The following ZNF334 variants were observed in gnomAD, a reference collection of about 807,000 sequenced individuals.
The protein encoded by ZNF334 is zinc finger protein 334.
Under a neutral mutation model 12.4 loss-of-function variants are expected in ZNF334, and 14 were observed. The observed-to-expected ratio is 1.13, with a 90% CI of 0.74 to 1.76. The LOEUF (loss-of-function observed/expected upper bound fraction) is 1.76. Among genes scored for constraint, ZNF334 ranks in the 40% most tolerant of loss-of-function variants. ZNF334 has a pLI of 0.00. For missense variants in ZNF334, 797 were observed against 804.5 expected, an observed-to-expected ratio of 0.99 and a Z score of 0.11; for synonymous variants, 273 against 269.6, an observed-to-expected ratio of 1.01 and a Z score of -0.12.
rs142281831 is a variant in ZNF334, at chr20:46,502,788, T to C, written c.551A>G (p.Asn184Ser). ...SHLGMKKYRY[N>S]PMRKASNQNE... ...TTGATTGCTGGCTTTCCTCATTGGATTGTATCTGTATTTTTTCATTCCCAA... is the reference window on the plus strand; with the variant it reads ...TTGATTGCTGGCTTTCCTCATTGGACTGTATCTGTATTTTTTCATTCCCAA... The change falls in exon 5 of 5, where the codon AAT becomes AGT. Residue 184 changes from asparagine to serine, a missense_variant. Physicochemically the swap from Asn to Ser is conservative, Grantham distance 46 (BLOSUM62 1). Coordinates refer to ENST00000692313, the MANE Select transcript of ZNF334 (RefSeq NM_001353824.2). 1.2e-5 allele frequency: 19 copies of C among 1,613,774 alleles called. No individual in the cohort carries two copies. In the African/African-American group the frequency reaches 2.3e-4, roughly 19 times the overall value.
chr20:46,501,016 A>C lies in ZNF334; in HGVS notation c.*280T>G, dbSNP rs182110743. 2.8e-6 allele frequency: 1 copy of C among 354,086 alleles called. No individual in the cohort carries two copies. Among genetic ancestry groups the C allele is most frequent in the East Asian group, 5.4e-5 (1 of 18,400 alleles). 21.9% of individuals were successfully genotyped at this position (354,086 alleles called of 1,614,324 possible). A position where few individuals can be genotyped will look rare whatever the true frequency, so the allele number is the denominator to read the frequency against. ...AACCAAGTAACAATTTAACTTAAAC[A>C]ATGTTTGTTTCATTATTTTAAAAGG... On this transcript the variant is annotated 3_prime_UTR_variant, in exon 5 of 5. Coordinates refer to ENST00000692313, the MANE Select transcript of ZNF334 (RefSeq NM_001353824.2).
Position 46,501,134 on chromosome 20 carries a change from A to T in ZNF334, c.*162T>A, listed in dbSNP as rs1013923983. 1.4e-6 allele frequency: 1 copy of T among 739,400 alleles called. No homozygotes were observed. Among genetic ancestry groups the T allele is most frequent in the Non-Finnish European group, 2.1e-6 (1 of 475,148 alleles). The allele number at this position is 739,400 out of a possible 1,614,324, so 45.8% of individuals were successfully genotyped here. A position where few individuals can be genotyped will look rare whatever the true frequency, so the allele number is the denominator to read the frequency against. On this transcript the variant is annotated 3_prime_UTR_variant, in exon 5 of 5. Transcript: ENST00000692313. ...TTATTAAACAAATTATTTCTTTCCT[A>T]CATGATTTCTCTGATGTTACATTGA...
At chr20:46,464,749 G>A in the ZNF334 span, 1 of 495,140 alleles carries the variant, frequency 2.0e-6, no homozygotes, top group Non-Finnish European at 4.1e-6. Context: ...GCAGAAAGGG[G>A]CAGTGTACGC....
rs548225062 is a variant in ZNF334, at chr20:46,502,715, C to T, written c.624G>A (p.Pro208=). 2.5e-5 allele frequency: 40 copies of T among 1,613,236 alleles called. No individual in the cohort carries two copies. Among genetic ancestry groups the T allele is most frequent in the South Asian group, 6.6e-5 (6 of 91,066 alleles). The change falls in exon 5 of 5, where the codon CCG becomes CCA. Residue 208 remains proline (P), a synonymous_variant. Coordinates refer to ENST00000692313, the MANE Select transcript of ZNF334 (RefSeq NM_001353824.2). The stretch of plus-strand genomic sequence containing the variant: ...TTTTCCCACATTTATTATAGTCAAA[C>T]GGTTGTTTCAAAATCTGAATGTTCT... ...LHQNIQILKQ[P]FDYNKCGKTF... is the part of the protein sequence containing the mutation.
the ZNF334 span, among the ~76,000 whole-genome samples, chr20:46,490,355 A>G: frequency 2.0e-5 from 3 of 152,220 alleles, no homozygotes; most frequent in Non-Finnish European, 4.4e-5. Flanking sequence ...TATCAAATTG[A>G]TAAGACAGAT....
the ZNF334 span, among the ~76,000 whole-genome samples, chr20:46,480,786 A>G: frequency 6.6e-6 from 1 of 152,094 alleles, no homozygotes; most frequent in Non-Finnish European, 1.5e-5. Context: ...GCTGTATCGG[A>G]GTTGATCTTT....
chr20:46,494,411 A>T, the ZNF334 span, among the ~76,000 whole-genome samples: 1 of 152,112 alleles, frequency 6.6e-6, no homozygotes, highest in Non-Finnish European at 1.5e-5. Flanking sequence ...CTGCCTCATT[A>T]CTTGTGTGTT....
At chr20:46,485,809 T>C in the ZNF334 span, 6 of 152,200 alleles carry the variant, frequency 3.9e-5, no homozygotes, top group Non-Finnish European at 8.8e-5. Flanking sequence ...TTATTAAAGA[T>C]TTTATAAGAA....
At chr20:46,492,149 T>C in the ZNF334 span, 1 of 152,592 alleles carries the variant, frequency 6.6e-6, no homozygotes, top group Non-Finnish European at 1.5e-5. Context: ...ATGTAATGAA[T>C]GTAAGAAAGC....
At chr20:46,511,892 G>C (rs778805509) in intron 2 of ZNF334, among the ~76,000 whole-genome samples, 190 bp downstream of exon 2, 10 of 152,140 alleles carry the variant, frequency 6.6e-5, no homozygotes, top group Admixed American at 1.3e-4. Context: ...TATTGTCTGG[G>C]CCTTTCTGGA....
Position 46,504,306 on chromosome 20 carries a change from C to G in ZNF334, c.149G>C (p.Gly50Ala). 6.2e-7 allele frequency: 1 copy of G among 1,612,696 alleles called. No individual in the cohort carries two copies. The highest frequency in any genetic ancestry group is 8.5e-7 in the Non-Finnish European group (1 of 1,179,080). Reference sequence around the variant, plus strand: ...CACATCTGGTTTGCTAACATGATACCCTGTTAATGGGAAATTACAGAACTT... The same window carrying G: ...CACATCTGGTTTGCTAACATGATACGCTGTTAATGGGAAATTACAGAACTT... Reference protein sequence around the residue: ...LENYSNLVSVGYHVSKPDVIF... With the variant: ...LENYSNLVSVAYHVSKPDVIF... The change falls in exon 4 of 5, where the codon GGG becomes GCG. Residue 50 changes from glycine (G) to alanine (A), a missense_variant and splice_region_variant. By Grantham distance (60) the Gly-to-Ala change is moderately conservative. Transcript: ENST00000692313.
downstream of ZNF334, among the ~76,000 whole-genome samples, chr20:46,495,836 G>A (rs923847960): frequency 6.6e-6 from 1 of 152,148 alleles, no homozygotes; most frequent in African/African-American, 2.4e-5. Context: ...ATAGGCCACT[G>A]TAGTGCTTGG....
At chr20:46,506,453 C>A in intron 2 of ZNF334, 1 of 408,822 alleles carries the variant, frequency 2.4e-6, no homozygotes, top group Non-Finnish European at 4.3e-6. Context: ...CGGCAAAACC[C>A]CATCTCTACA....
downstream of ZNF334, among the ~76,000 whole-genome samples, chr20:46,495,729 G>C (rs1815738439): frequency 6.6e-6 from 1 of 152,174 alleles, no homozygotes; most frequent in Non-Finnish European, 1.5e-5. Flanking sequence ...ACCATGGGAT[G>C]CACGTGTGTT....
intron 2 of ZNF334, chr20:46,506,279 G>A (rs1446810009): frequency 3.6e-6 from 2 of 558,998 alleles, no homozygotes; most frequent in Non-Finnish European, 6.4e-6. Context: ...AAAAAGCAAA[G>A]TATTAAAGAA....
chr20:46,482,619 TTA>T, the ZNF334 span, among the ~76,000 whole-genome samples: 1 of 152,048 alleles, frequency 6.6e-6, no homozygotes, highest in African/African-American at 2.4e-5. Flanking sequence ...ACCACTGTCT[TTA>T]GTTTTTTACA....
Position 46,504,316 on chromosome 20 carries a change from G to C in ZNF334, c.149-10C>G, listed in dbSNP as rs1156777991. 1 of 1,609,668 alleles carries C rather than the reference G, an allele frequency of 6.2e-7. No homozygotes were observed. The highest frequency in any genetic ancestry group is 8.5e-7 in the Non-Finnish European group (1 of 1,176,602). ...TTGCTAACATGATACCCTGTTAATG[G>C]GAAATTACAGAACTTGGACCAAGAT... On this transcript the variant is annotated splice_polypyrimidine_tract_variant and intron_variant, in intron 3 of 4. Coordinates refer to ENST00000692313, the MANE Select transcript of ZNF334 (RefSeq NM_001353824.2).
intron 2 of ZNF334, chr20:46,509,731 GGT>G: frequency 1.4e-6 from 1 of 697,630 alleles, no homozygotes; most frequent in Non-Finnish European, 2.6e-6. Context: ...CACACCTCAT[GGT>G]GTGTGGTTTC....
At chr20:46,489,568 G>A in the ZNF334 span, among the ~76,000 whole-genome samples, 1 of 144,502 alleles carries the variant, frequency 6.9e-6, no homozygotes, top group Admixed American at 7.4e-5. Flanking sequence ...TGAGGCAGGA[G>A]AATCACTTGA....
Sources: gnomAD v4.1 joint callset for allele counts (sites outside exome capture counted in the v4.1 genomes callset) on GRCh38, gnomAD v4.1.1 for gene constraint, MANE v1.5 for transcripts, NCBI Gene and HGNC (gene_info 2026-07-23, HGNC 2026-07-21) for gene names.